Variants in CNTNAP5 observed in about 807,000 individuals in gnomAD.
The protein encoded by CNTNAP5 is contactin-associated protein-like 5.
CNTNAP5 carries 72 observed loss-of-function variants against 150.2 expected under a neutral mutation model. The observed-to-expected ratio is 0.48, with a 90% CI of 0.40 to 0.58. The LOEUF is 0.58. Among genes scored for constraint, CNTNAP5 ranks in the 20% least tolerant of loss-of-function variants. The pLI, the probability that CNTNAP5 is intolerant of heterozygous loss-of-function variation, is 0.00. For synonymous variants in CNTNAP5, 672 were observed against 619.8 expected (o/e 1.08, Z -1.25); for missense variants, 1,636 against 1,626.2 (o/e 1.01, Z -0.10).
intron 3 of CNTNAP5, among the ~76,000 whole-genome samples, chr2:124,313,840 C>A (rs1688893300): frequency 1.3e-5 from 2 of 152,158 alleles, no homozygotes; most frequent in Non-Finnish European, 2.9e-5. Context: ...TAATCCAGAT[C>A]ATTCCTGTTT....
chr2:124,619,842 CATATATATATATATATATATATATAT>C (rs58774096), intron 12 of CNTNAP5, among the ~76,000 whole-genome samples: 11 of 98,474 alleles, frequency 1.1e-4, no homozygotes, highest in African/African-American at 6.5e-4. Flanking sequence ...CTGTCTCATT[CATATATATATATATATATATATATAT>C]ATATATATAT....
In CNTNAP5 at chr2:124,274,432, G is replaced by A. The variant is rs547792374; in HGVS notation, c.381+32039G>A. Reference sequence around the variant, plus strand: ...CCCTCAATATTGTCACTGGTAAACTGAGATCTTTTCCCATTTTGTGTGGAT... The same window carrying A: ...CCCTCAATATTGTCACTGGTAAACTAAGATCTTTTCCCATTTTGTGTGGAT... On this transcript the variant is annotated intron_variant, in intron 3 of 23. Coordinates refer to ENST00000682447, the MANE Select transcript of CNTNAP5 (RefSeq NM_001367498.1). Among the ~76,000 whole-genome samples, 24 of 152,256 alleles carry A rather than the reference G, an allele frequency of 1.6e-4. No individual in the cohort carries two copies. In the East Asian group the frequency reaches 3.7e-3, roughly 23 times the overall value.
At chr2:124,421,156 G>C (rs1222218752) in intron 4 of CNTNAP5, among the ~76,000 whole-genome samples, 1 of 152,174 alleles carries the variant, frequency 6.6e-6, no homozygotes, top group South Asian at 2.1e-4. Context: ...AATTGACAGA[G>C]TTTTGTAAAC....
intron 12 of CNTNAP5, among the ~76,000 whole-genome samples, chr2:124,618,114 A>T (rs1367298565): frequency 6.6e-6 from 1 of 152,194 alleles, no homozygotes; most frequent in Non-Finnish European, 1.5e-5. Context: ...AGCAGCAGCA[A>T]GCAAAGGCTG....
chr2:124,192,722 G>C (rs545674429), intron 1 of CNTNAP5, among the ~76,000 whole-genome samples: 1 of 151,950 alleles, frequency 6.6e-6, no homozygotes, highest in East Asian at 1.9e-4. Context: ...TCAAATCTTC[G>C]TAAAATGTCA....
At chr2:124,218,213 A>G (rs1686210695) in intron 1 of CNTNAP5, among the ~76,000 whole-genome samples, 1 of 152,178 alleles carries the variant, frequency 6.6e-6, no homozygotes, top group Non-Finnish European at 1.5e-5. Context: ...CCTTGGCGAC[A>G]ACCTTGAGCA....
chr2:124,315,792 C>A (rs1573911027), intron 3 of CNTNAP5, among the ~76,000 whole-genome samples: 1 of 152,200 alleles, frequency 6.6e-6, no homozygotes, highest in East Asian at 1.9e-4. Context: ...ATCTACCCCT[C>A]ATGGCAGTGA....
intron 19 of CNTNAP5, among the ~76,000 whole-genome samples, chr2:124,860,504 T>TTTCCTTCC (rs70999227): frequency 5.7e-5 from 1 of 17,494 alleles, no homozygotes; most frequent in East Asian, 1.3e-3. Flanking sequence ...TCCTTCCTTC[T>TTTCCTTCC]TTCCTTCCTT....
intron 13 of CNTNAP5, among the ~76,000 whole-genome samples, chr2:124,706,780 A>G (rs199799730): frequency 1.1e-4 from 4 of 37,034 alleles, no homozygotes; most frequent in South Asian, 1.2e-3. Context: ...GAAGAAGAAG[A>G]AGAAGAAGAA....
chr2:124,890,506 C>T (rs1289172973), intron 21 of CNTNAP5, among the ~76,000 whole-genome samples: 1 of 152,050 alleles, frequency 6.6e-6, no homozygotes, highest in Non-Finnish European at 1.5e-5. Context: ...CCTATCAGTG[C>T]TTTCTTCACT....
At position 124,504,354 on chromosome 2, in the gene CNTNAP5, C is replaced by T. The variant is rs768261018; in HGVS notation, c.1125C>T (p.Ser375=). The T allele has an allele frequency of 2.4e-5, 38 of 1,613,740 alleles. No individual in the cohort carries two copies. Among genetic ancestry groups the T allele is most frequent in the Admixed American group, 8.3e-5 (5 of 59,998 alleles). Residue 375 remains serine (S), a synonymous_variant, in exon 8 of 24, where the codon AGC becomes AGT. Coordinates refer to ENST00000682447, the MANE Select transcript of CNTNAP5 (RefSeq NM_001367498.1). ...QIVPITFVNS[S]GSYLLLPGTP... is the part of the protein sequence containing the mutation. ...TGCCCATCACATTTGTCAACTCCAG[C>T]GGCAGCTATTTGCTGCTGCCCGGCA... is the stretch of plus-strand genomic sequence containing the variant.
chr2:124,143,528 C>A (rs1684171058), intron 1 of CNTNAP5, among the ~76,000 whole-genome samples: 1 of 9,056 alleles, frequency 1.1e-4, no homozygotes, highest in African/African-American at 1.6e-4. Flanking sequence ...TAAACAGAGC[C>A]AAAGACAAAA....
intron 3 of CNTNAP5, among the ~76,000 whole-genome samples, chr2:124,393,594 C>T (rs902388555): frequency 1.3e-5 from 2 of 152,230 alleles, no homozygotes; most frequent in African/African-American, 2.4e-5. Context: ...GACTTCTCTG[C>T]TTCACCCATA....
chr2:124,383,790 C>T (rs1193444406), intron 3 of CNTNAP5, among the ~76,000 whole-genome samples: 1 of 152,142 alleles, frequency 6.6e-6, no homozygotes, highest in African/African-American at 2.4e-5. Context: ...TTATCATTTA[C>T]TAATTGTTTC....
chr2:124,574,458 A>G (rs547862398), intron 11 of CNTNAP5, among the ~76,000 whole-genome samples: 44 of 152,350 alleles, frequency 2.9e-4, no homozygotes, highest in Admixed American at 1.0e-3. Flanking sequence ...ACAATTACAT[A>G]AACCACATAG....
At chr2:124,495,483 C>T (rs1355819671) in intron 7 of CNTNAP5, among the ~76,000 whole-genome samples, 3 of 152,196 alleles carry the variant, frequency 2.0e-5, no homozygotes, top group African/African-American at 7.2e-5. Flanking sequence ...TAGTAGTTCC[C>T]TGTTTACTGG....
intron 7 of CNTNAP5, among the ~76,000 whole-genome samples, chr2:124,493,016 C>T (rs1320961540): frequency 6.6e-6 from 1 of 152,110 alleles, no homozygotes; most frequent in East Asian, 1.9e-4. Context: ...TGAATAGAGG[C>T]AGCAGAAGTG....
rs1394111821 is a variant in CNTNAP5 at position 124,795,342 on chromosome 2, ACTTCATGTCACC to A, written c.2993-2752_2993-2741del. Among the ~76,000 whole-genome samples the A allele has an allele frequency of 2.6e-5, 4 of 152,036 alleles. 1 individual carries two copies. Among genetic ancestry groups the A allele is most frequent in the African/African-American group, 9.7e-5 (4 of 41,400 alleles). On this transcript the variant is annotated intron_variant, in intron 18 of 23. Transcript: ENST00000682447. ...CATCCCATTTCCAGCTCCTTCTCCTACTTCATGTCACCCATCAATGCCCTGTCAATACGGAGA... is the reference window on the plus strand; with the variant it reads ...CATCCCATTTCCAGCTCCTTCTCCTACATCAATGCCCTGTCAATACGGAGA...
intron 1 of CNTNAP5, among the ~76,000 whole-genome samples, chr2:124,184,538 G>A (rs1685284389): frequency 6.6e-6 from 1 of 152,162 alleles, no homozygotes; most frequent in Non-Finnish European, 1.5e-5. Context: ...GTATTTCTCT[G>A]TGTTAAATCT....
Sources: allele counts gnomAD v4.1 joint callset (sites outside exome capture counted in the v4.1 genomes callset), GRCh38; gene constraint gnomAD v4.1.1; transcripts MANE v1.5; gene names NCBI Gene and HGNC (gene_info 2026-07-23, HGNC 2026-07-21).